The following PRKN variants were observed in gnomAD, a reference collection of about 807,000 sequenced individuals.
The protein encoded by PRKN is parkin RBR E3 ubiquitin protein ligase.
PRKN carries 56 observed loss-of-function variants against 59.5 expected under a neutral mutation model. That is an observed-to-expected ratio of 0.94 (90% confidence interval 0.76 to 1.18). The LOEUF is 1.18. Among genes scored for constraint, PRKN ranks in the 50% most tolerant of loss-of-function variants. PRKN has a pLI of 0.00. For synonymous variants in PRKN, 250 were observed against 222.1 expected (o/e 1.13, Z -1.12); for missense variants, 657 against 596.4 (o/e 1.10, Z -1.06).
At chr6:162,301,223 T>C (rs1335097879) in intron 2 of PRKN, among the ~76,000 whole-genome samples, 1 of 152,148 alleles carries the variant, frequency 6.6e-6, no homozygotes, top group Non-Finnish European at 1.5e-5. Context: ...TAAAGAGGCT[T>C]GCCAAAGTAA....
intron 1 of PRKN, among the ~76,000 whole-genome samples, chr6:162,478,642 G>A (rs1276399549): frequency 6.6e-6 from 1 of 152,136 alleles, no homozygotes; most frequent in Admixed American, 6.5e-5. Flanking sequence ...TAAGAATTGC[G>A]TTGTTAGGGG....
intron 4 of PRKN, among the ~76,000 whole-genome samples, chr6:162,182,103 A>G (rs1004207141): frequency 2.4e-4 from 37 of 152,146 alleles, no homozygotes; most frequent in African/African-American, 8.9e-4. Flanking sequence ...TGTTCTTTTT[A>G]CACACTTACT....
intron 6 of PRKN, among the ~76,000 whole-genome samples, chr6:161,786,538 A>G (rs1378124444): frequency 6.6e-6 from 1 of 152,112 alleles, no homozygotes; most frequent in Non-Finnish European, 1.5e-5. Context: ...GAAATAACAG[A>G]TTTTCAAAAT....
chr6:161,567,036 T>TC (rs1562529960), intron 8 of PRKN, among the ~76,000 whole-genome samples: 20 of 123,172 alleles, frequency 1.6e-4, no homozygotes, highest in Non-Finnish European at 1.7e-5. Flanking sequence ...TTTTTTTTTT[T>TC]TTGTGTGTGT....
chr6:162,536,180 T>G (rs1195819960), intron 1 of PRKN, among the ~76,000 whole-genome samples: 1 of 152,154 alleles, frequency 6.6e-6, no homozygotes, highest in Non-Finnish European at 1.5e-5. Flanking sequence ...GTCATGCTGC[T>G]TTACTAACAA....
intron 2 of PRKN, among the ~76,000 whole-genome samples, chr6:162,381,120 GTCCTTGTCCTT>G (rs1403397347): frequency 2.0e-5 from 3 of 152,094 alleles, no homozygotes; most frequent in Non-Finnish European, 2.9e-5. Flanking sequence ...CCACCTTGAA[GTCCTTGTCCTT>G]TCCTAGCCTG....
chr6:162,564,274 G>A (rs1779969757), intron 1 of PRKN, among the ~76,000 whole-genome samples: 1 of 152,014 alleles, frequency 6.6e-6, no homozygotes, highest in Non-Finnish European at 1.5e-5. Flanking sequence ...GAATCAGGGA[G>A]GCAGAGGTTG....
chr6:162,311,583 A>T (rs1470227926), intron 2 of PRKN, among the ~76,000 whole-genome samples: 1 of 151,156 alleles, frequency 6.6e-6, no homozygotes, highest in African/African-American at 2.4e-5. Flanking sequence ...CCTGGGTTCA[A>T]GCGATTCTCC....
chr6:161,686,423 C>T (rs117645299), intron 7 of PRKN, among the ~76,000 whole-genome samples: 4,898 of 152,240 alleles, frequency 0.032, 135 homozygotes, highest in Non-Finnish European at 0.047. Flanking sequence ...AAACCCTTTG[C>T]GTAAAAATTA....
At chr6:161,757,933 G>GTGTGTGTGTATATATATA (rs1554301354) in intron 7 of PRKN, among the ~76,000 whole-genome samples, 4 of 101,432 alleles carry the variant, frequency 3.9e-5, no homozygotes, top group African/African-American at 1.5e-4. Context: ...CTCTCTCTCT[G>GTGTGTGTGTATATATATA]TATATATATG....
chr6:162,102,970 G>A (rs1780037551), intron 4 of PRKN, among the ~76,000 whole-genome samples: 1 of 150,874 alleles, frequency 6.6e-6, no homozygotes, highest in South Asian at 2.1e-4. Context: ...GTGAACCCGG[G>A]AGGCAGAGCT....
intron 9 of PRKN, among the ~76,000 whole-genome samples, chr6:161,541,387 A>G (rs1779608892): frequency 6.6e-6 from 1 of 152,254 alleles, no homozygotes. Flanking sequence ...AAACAATGCA[A>G]TCTTCACAAG....
intron 3 of PRKN, among the ~76,000 whole-genome samples, chr6:162,260,764 A>G (rs1486680795): frequency 6.6e-6 from 1 of 152,224 alleles, no homozygotes; most frequent in Non-Finnish European, 1.5e-5. Flanking sequence ...TAATATTCAG[A>G]TAATAAGTAA....
chr6:161,506,869 A>G (rs1328517352), intron 9 of PRKN, among the ~76,000 whole-genome samples: 1 of 152,222 alleles, frequency 6.6e-6, no homozygotes, highest in Non-Finnish European at 1.5e-5. Context: ...TTGGGGAACC[A>G]CCTTCTGTGA....
intron 6 of PRKN, among the ~76,000 whole-genome samples, chr6:161,901,564 C>T (rs1260956000): frequency 6.6e-6 from 1 of 152,136 alleles, no homozygotes; most frequent in Non-Finnish European, 1.5e-5. Flanking sequence ...CCACTCTGCC[C>T]ATAAGTGTTC....
At chr6:161,762,047 C>T (rs537692648) in intron 7 of PRKN, among the ~76,000 whole-genome samples, 6 of 152,096 alleles carry the variant, frequency 3.9e-5, no homozygotes, top group East Asian at 1.9e-4. Context: ...TTGGCATAGA[C>T]GGGACAGAAT....
intron 4 of PRKN, among the ~76,000 whole-genome samples, chr6:162,124,784 G>C (rs890368498): frequency 2.0e-5 from 3 of 152,176 alleles, no homozygotes; most frequent in African/African-American, 4.8e-5. Context: ...GGATAGGAGA[G>C]TTTTGAGAAG....
intron 4 of PRKN, among the ~76,000 whole-genome samples, chr6:162,067,062 A>AT (rs935421460): frequency 1.1e-4 from 17 of 150,996 alleles, no homozygotes; most frequent in Admixed American, 2.6e-4. Context: ...TTCTTCATCC[A>AT]TTTTTTTTTC....
intron 2 of PRKN, among the ~76,000 whole-genome samples, chr6:162,293,590 G>A (rs1781534070): frequency 6.6e-6 from 1 of 152,128 alleles, no homozygotes; most frequent in Non-Finnish European, 1.5e-5. Context: ...TTTTTCGAGT[G>A]CTCTTCCTCC....
Sources: gnomAD v4.1 joint callset for allele counts (sites outside exome capture counted in the v4.1 genomes callset) on GRCh38, gnomAD v4.1.1 for gene constraint, MANE v1.5 for transcripts, NCBI Gene and HGNC (gene_info 2026-07-23, HGNC 2026-07-21) for gene names.